Variants in REV1 observed in about 807,000 individuals in gnomAD.
REV1 encodes the protein translesion synthesis protein REV1.
REV1 carries 42 observed loss-of-function variants against 137.4 expected under a neutral mutation model. That is an observed-to-expected ratio of 0.31 (90% CI 0.24 to 0.40). The LOEUF is 0.40. Among genes scored for constraint, REV1 ranks in the 10% least tolerant of loss-of-function variants. The pLI is 1.00. For missense variants in REV1, 1,282 were observed against 1,490.1 expected (o/e 0.86, Z 2.30); for synonymous variants, 524 against 519.2 (o/e 1.01, Z -0.12).
At chr2:99,412,439 T>A (rs1575004452) in intron 13 of REV1, among the ~76,000 whole-genome samples, 1 of 152,286 alleles carries the variant, frequency 6.6e-6, no homozygotes, top group Middle Eastern at 3.4e-3. Context: ...TCATCTTTTT[T>A]ATTTTTTCAC....
intron 1 of REV1, among the ~76,000 whole-genome samples, chr2:99,469,057 C>T (rs1162238727): frequency 6.6e-6 from 1 of 152,146 alleles, no homozygotes; most frequent in Non-Finnish European, 1.5e-5. Context: ...AACATTTCTT[C>T]ATCTATAAAA....
chr2:99,410,451 G>T (rs947274960), intron 14 of REV1, among the ~76,000 whole-genome samples: 1 of 152,176 alleles, frequency 6.6e-6, no homozygotes, highest in Non-Finnish European at 1.5e-5. Flanking sequence ...GCCCAAAGAT[G>T]CCAAGCAAAG....
In REV1 at chr2:99,442,305, A is replaced by C; in HGVS notation, c.503+12T>G. On this transcript the variant is annotated intron_variant, in intron 5 of 22. Coordinates refer to ENST00000258428, the MANE Select transcript of REV1 (RefSeq NM_016316.4). ...ACCAGCTTTGCAGTAATCCCCAACT[A>C]GACAAACTTACACCCTGTTGTTGAG... 6.3e-7 allele frequency: 1 copy of C among 1,594,100 alleles called. No homozygotes were observed. The highest frequency in any genetic ancestry group is 8.5e-7 in the Non-Finnish European group (1 of 1,173,186).
At chr2:99,466,900 T>G (rs1393165263) in intron 1 of REV1, among the ~76,000 whole-genome samples, 5 of 152,216 alleles carry the variant, frequency 3.3e-5, no homozygotes. Flanking sequence ...AGGCTCATTT[T>G]GTCCAGTCCC....
Position 99,464,913 on chromosome 2 carries a change from A to G in REV1, c.54+9T>C, listed in dbSNP as rs367869560. 1.7e-5 allele frequency: 27 copies of G among 1,611,932 alleles called. No homozygotes were observed. The African/African-American group carries it at 3.2e-4, about 19-fold the overall frequency. Reference sequence around the variant, plus strand: ...TCGATATAATTATTTTTACTCTTTTAAAACACACCCATGTTTCCCAGCCAT... The same window carrying G: ...TCGATATAATTATTTTTACTCTTTTGAAACACACCCATGTTTCCCAGCCAT... On this transcript the variant is annotated intron_variant, in intron 2 of 22. Transcript: ENST00000258428.
intron 1 of REV1, among the ~76,000 whole-genome samples, chr2:99,469,221 C>G (rs756873478): frequency 6.6e-6 from 1 of 152,054 alleles, no homozygotes; most frequent in Non-Finnish European, 1.5e-5. Context: ...TTTTTTCCCC[C>G]GTAAGTTTTA....
intron 1 of REV1, among the ~76,000 whole-genome samples, chr2:99,475,693 A>AT (rs1343732650): frequency 6.6e-6 from 1 of 152,028 alleles, no homozygotes; most frequent in Admixed American, 6.6e-5. Flanking sequence ...TCTCAAAAAA[A>AT]AAATAAATAG....
At position 99,402,333 on chromosome 2, in the gene REV1, T is replaced by G; in HGVS notation, c.3555A>C (p.Glu1185Asp). 1 of 1,522,684 alleles carries G rather than the reference T, an allele frequency of 6.6e-7. No individual in the cohort carries two copies. The highest frequency in any genetic ancestry group is 9.0e-7 in the Non-Finnish European group (1 of 1,109,336). The allele number at this position is 1,522,684 out of a possible 1,614,324, so 94.3% of individuals were successfully genotyped here. Residue 1185 changes from glutamate to aspartate, a missense_variant, in exon 22 of 23, where the codon GAA becomes GAC. Physicochemically the swap from Glu to Asp is conservative, Grantham distance 45. Transcript: ENST00000258428. ...WITTISDPME[E>D]DILQVVKYCT... is the part of the protein sequence containing the mutation. ...AGTATTTCACAACTTGGAGAATGTC[T>G]TCTTCCATTGGATCTAGGAAGGGGG...
intron 1 of REV1, among the ~76,000 whole-genome samples, chr2:99,466,014 T>C (rs1684760635): frequency 6.6e-6 from 1 of 152,154 alleles, no homozygotes; most frequent in African/African-American, 2.4e-5. Flanking sequence ...CAATCTCGGC[T>C]CACTGCAAGC....
In REV1 at chr2:99,412,745, T is replaced by C. The variant is rs141811988; in HGVS notation, c.2158A>G (p.Ile720Val). 51 of 1,613,426 alleles carry C rather than the reference T, an allele frequency of 3.2e-5. No homozygotes were observed. The highest frequency in any genetic ancestry group is 4.0e-5 in the Non-Finnish European group (47 of 1,179,476). The change falls in exon 13 of 23, where the codon ATA (isoleucine) becomes GTA (valine). Residue 720 changes from isoleucine to valine, a missense_variant. This residue lies in a region of REV1 where 372 missense variants were observed against 482.3 expected (regional missense o/e 0.77). Coordinates refer to ENST00000258428, the MANE Select transcript of REV1 (RefSeq NM_016316.4). ...KSVSAEINYGIRFTQPKEAEA... is the reference protein window; with the variant it reads ...KSVSAEINYGVRFTQPKEAEA... ...ATGATCAGTACCTGAGTAAACCTTA[T>C]TCCATAGTTGATCTCAGCTGAAACA...
chr2:99,488,729 A>T (rs764132593), intron 1 of REV1, among the ~76,000 whole-genome samples: 1 of 152,188 alleles, frequency 6.6e-6, no homozygotes, highest in Non-Finnish European at 1.5e-5. Flanking sequence ...TTTGCTACAT[A>T]CAGAACTCCA....
intron 3 of REV1, among the ~76,000 whole-genome samples, chr2:99,451,036 T>A (rs1370588313): frequency 6.6e-6 from 1 of 152,138 alleles, no homozygotes; most frequent in African/African-American, 2.4e-5. Flanking sequence ...TGTGAAACAG[T>A]AGAAATTAAA....
chr2:99,470,506 T>C (rs956560907), intron 1 of REV1, among the ~76,000 whole-genome samples: 5 of 152,248 alleles, frequency 3.3e-5, no homozygotes, highest in Non-Finnish European at 5.9e-5. Context: ...AAGAAATCAA[T>C]GTACTTTATG....
At position 99,402,798 on chromosome 2, in the gene REV1, T is replaced by C; in HGVS notation, c.3387A>G (p.Glu1129=). ...CACCTGAAGTAGAAGCAGAGAGTTC[T>C]TCCTGTTAAGAAAACAAAGGATAAA... The part of the protein sequence containing the change: ...HEGPPAEKPL[E]ELSASTSGVP... Residue 1129 remains glutamate (E), a splice_region_variant and synonymous_variant, in exon 21 of 23, where the codon GAA becomes GAG. Transcript: ENST00000258428. 6.2e-7 allele frequency: 1 copy of C among 1,614,106 alleles called. No individual in the cohort carries two copies. The highest frequency in any genetic ancestry group is 8.5e-7 in the Non-Finnish European group (1 of 1,179,998).
chr2:99,447,713 A>G (rs1480061882), intron 4 of REV1, among the ~76,000 whole-genome samples: 2 of 151,798 alleles, frequency 1.3e-5, no homozygotes, highest in African/African-American at 4.8e-5. Flanking sequence ...GTGACTGCAT[A>G]AAGTTTTTTT....
intron 7 of REV1, among the ~76,000 whole-genome samples, chr2:99,434,789 G>T (rs1680528481): frequency 6.6e-6 from 1 of 152,100 alleles, no homozygotes; most frequent in Non-Finnish European, 1.5e-5. Flanking sequence ...AAGTAGTGGG[G>T]AAAGAAAAAC....
chr2:99,462,681 G>T, intron 2 of REV1, 59 bp from the exon 3 acceptor site: 1 of 1,389,000 alleles, frequency 7.2e-7, no homozygotes, highest in Non-Finnish European at 9.6e-7. Flanking sequence ...CCCCTTTTTT[G>T]AAAAAAAAAA....
At chr2:99,422,135 C>T (rs552745938) in intron 10 of REV1, among the ~76,000 whole-genome samples, 2 of 152,162 alleles carry the variant, frequency 1.3e-5, no homozygotes, top group Non-Finnish European at 2.9e-5. Context: ...TTAAATTCCA[C>T]TCACTGTAGC....
intron 1 of REV1, among the ~76,000 whole-genome samples, chr2:99,489,594 A>T (rs1687482787): frequency 1.3e-5 from 2 of 148,644 alleles, no homozygotes; most frequent in South Asian, 4.2e-4. Flanking sequence ...GAGGTCACAC[A>T]TTACATAACC....
Sources: allele counts gnomAD v4.1 joint callset (sites outside exome capture counted in the v4.1 genomes callset), GRCh38; gene constraint gnomAD v4.1.1; regional missense constraint gnomAD v4.1.1; transcripts MANE v1.5; gene names NCBI Gene and HGNC (gene_info 2026-07-23, HGNC 2026-07-21).